Variants in CDK12 observed in about 807,000 individuals in gnomAD.
The protein encoded by CDK12 is cyclin-dependent kinase 12.
In CDK12, 17 loss-of-function variants were observed where a neutral mutation model predicts 133.8. The observed-to-expected ratio is 0.13, with a 90% CI of 0.09 to 0.19. The LOEUF is 0.19. Ranked by LOEUF, CDK12 falls within the 10% of genes least tolerant of loss-of-function variation. The probability of loss-of-function intolerance (pLI) is 1.00; values close to 1 mark genes in which losing one functional copy is unlikely to be tolerated. For synonymous variants in CDK12, 694 were observed against 683.6 expected (o/e 1.02, Z -0.24); for missense variants, 1,508 against 1,818.7 (o/e 0.83, Z 3.11).
At chr17:39,482,220 C>T (rs541325951) in intron 2 of CDK12, among the ~76,000 whole-genome samples, 1 of 151,080 alleles carries the variant, frequency 6.6e-6, no homozygotes, top group African/African-American at 2.4e-5. Context: ...CCATTTTGGC[C>T]AAGGTGGTCT....
rs574800259 is a variant in CDK12, at chr17:39,562,102, G to C, written n.485-2658G>C. Reference sequence around the variant, plus strand: ...TTACAGGCGCGCACCTCCATGCCCAGCTAATTTTTGCATTTTTAGTAGAGA... The same window carrying C: ...TTACAGGCGCGCACCTCCATGCCCACCTAATTTTTGCATTTTTAGTAGAGA... On this transcript the variant is annotated intron_variant and non_coding_transcript_variant, in intron 3 of 3. Transcript: ENST00000558240. Among the ~76,000 whole-genome samples the C allele has an allele frequency of 1.6e-4, 25 of 152,214 alleles. 1 individual carries two copies. The East Asian group carries it at 4.1e-3, about 25-fold the overall frequency.
chr17:39,472,428 CT>C (rs2049862477), intron 2 of CDK12, among the ~76,000 whole-genome samples: 1 of 151,986 alleles, frequency 6.6e-6, no homozygotes, highest in South Asian at 2.1e-4. Flanking sequence ...AATCCCAGCA[CT>C]TTGGGAGGCT....
At chr17:39,475,206 G>A (rs191744628) in intron 2 of CDK12, among the ~76,000 whole-genome samples, 2 of 152,162 alleles carry the variant, frequency 1.3e-5, no homozygotes, top group Non-Finnish European at 2.9e-5. Context: ...ACTGAGCTTT[G>A]TGGATGTAAT....
chr17:39,516,877 A>T (rs2053846033), intron 9 of CDK12, among the ~76,000 whole-genome samples: 1 of 149,896 alleles, frequency 6.7e-6, no homozygotes, highest in Admixed American at 6.6e-5. Flanking sequence ...GTTAGCCAGG[A>T]TGGTCTCGAT....
At chr17:39,502,865 A>C (rs1424695339) in intron 6 of CDK12, among the ~76,000 whole-genome samples, 10 of 152,334 alleles carry the variant, frequency 6.6e-5, no homozygotes, top group Middle Eastern at 3.4e-3. Context: ...CAGTATTTCT[A>C]GAGCAAGAAG....
Position 39,531,518 on chromosome 17 carries a change from G to A in CDK12, c.*202G>A. 2.3e-6 allele frequency: 1 copy of A among 442,944 alleles called. No individual in the cohort carries two copies. The highest frequency in any genetic ancestry group is 3.9e-5 in the Admixed American group (1 of 25,902). 27.4% of individuals were successfully genotyped at this position (442,944 alleles called of 1,614,324 possible). On this transcript the variant is annotated 3_prime_UTR_variant, in exon 14 of 14. Coordinates refer to ENST00000447079, the MANE Select transcript of CDK12 (RefSeq NM_016507.4). ...ATGTTGGCACCAGTTCCCCCTGGAT[G>A]GGCTATAGCCAGAACATTTACTTCA...
In CDK12 at chr17:39,524,830, A is replaced by G; in HGVS notation, c.3252A>G (p.Pro1084=). 6.2e-7 allele frequency: 1 copy of G among 1,614,224 alleles called. No individual in the cohort carries two copies. Among genetic ancestry groups the G allele is most frequent in the South Asian group, 1.1e-5 (1 of 91,086 alleles). ...CTGAGCCTGTGAAGAACAGCAGCCC[A>G]GCACCACCTCAGCCTGCTCCTGGCA... ...TSTEPVKNSS[P]APPQPAPGKV... Residue 1084 remains proline (P), a synonymous_variant, in exon 12 of 14, where the codon CCA becomes CCG. Transcript: ENST00000447079.
Position 39,531,718 on chromosome 17 carries a change from G to A in CDK12, c.*402G>A, listed in dbSNP as rs531848505. 181 of 242,684 alleles carry A rather than the reference G, an allele frequency of 7.5e-4. No individual in the cohort carries two copies. The highest frequency in any genetic ancestry group is 2.4e-3 in the Middle Eastern group (2 of 818). The allele number at this position is 242,684 out of a possible 1,614,324, so 15.0% of individuals were successfully genotyped here. A position where few individuals can be genotyped will look rare whatever the true frequency, so the allele number is the denominator to read the frequency against. On this transcript the variant is annotated 3_prime_UTR_variant, in exon 14 of 14. Transcript: ENST00000447079. ...TTTTAAAGTTTTGGGGTGGGGGATT[G>A]TGTGTGGTTTCTTTCTTTTGAATTT...
intron 6 of CDK12, among the ~76,000 whole-genome samples, chr17:39,501,989 C>T (rs1291518034): frequency 2.6e-5 from 4 of 151,094 alleles, no homozygotes; most frequent in Non-Finnish European, 5.9e-5. Context: ...GGATTATAGG[C>T]GCCCGGCACC....
rs539289616 is a variant in CDK12 at position 39,487,844 on chromosome 17, G to T, written c.1932-2713G>T. ...TGGCCAGGTTGGTCTTGAACTCCTG[G>T]GCTCAACTGATCCGCCTGCCTTGGC... On this transcript the variant is annotated intron_variant, in intron 2 of 13. Transcript: ENST00000447079. Among the ~76,000 whole-genome samples the T allele has an allele frequency of 6.6e-5, 10 of 151,928 alleles. No individual in the cohort carries two copies. The East Asian group carries it at 1.9e-3, about 29-fold the overall frequency.
intron 2 of CDK12, among the ~76,000 whole-genome samples, chr17:39,480,254 T>A (rs2050536801): frequency 6.7e-6 from 1 of 149,230 alleles, no homozygotes; most frequent in Non-Finnish European, 1.5e-5. Flanking sequence ...GGGAAAAGAA[T>A]GAAACTTTAC....
chr17:39,476,725 T>C (rs939069891), intron 2 of CDK12, among the ~76,000 whole-genome samples: 33 of 107,810 alleles, frequency 3.1e-4, no homozygotes, highest in African/African-American at 1.4e-3. Flanking sequence ...TTTTTTTTTT[T>C]TTTTTTTTTT....
intron 5 of CDK12, among the ~76,000 whole-genome samples, chr17:39,499,532 G>A (rs1242322261): frequency 2.2e-5 from 3 of 134,462 alleles, no homozygotes; most frequent in Non-Finnish European, 4.7e-5. Flanking sequence ...TTCTCAAGAT[G>A]GGGTTTTGCT....
intron 5 of CDK12, among the ~76,000 whole-genome samples, chr17:39,500,109 G>T (rs574202496): frequency 4.7e-4 from 71 of 152,240 alleles, no homozygotes; most frequent in African/African-American, 1.6e-3. Context: ...TGGAAGGATT[G>T]CCTGAGCCAA....
chr17:39,531,281 C>T lies in CDK12; in HGVS notation c.4438C>T (p.Pro1480Ser), dbSNP rs756702701. 8 of 1,496,864 alleles carry T rather than the reference C, an allele frequency of 5.3e-6. No individual in the cohort carries two copies. Among genetic ancestry groups the T allele is most frequent in the African/African-American group, 4.2e-5 (3 of 71,184 alleles). 92.7% of individuals were successfully genotyped at this position (1,496,864 alleles called of 1,614,324 possible). ...CTATCGGGGGCCTACAAGAGTCCCA[C>T]CAAGAGGGGGAAGAGGGAGAGGAGT... is the stretch of plus-strand genomic sequence containing the variant. ...KLYRGPTRVP[P>S]RGGRGRGVPY Residue 1480 changes from proline to serine, a missense_variant, in exon 14 of 14, where the codon CCA becomes TCA. This residue lies in a region of CDK12 where 114 missense variants were observed against 101.2 expected (regional missense o/e 1.13). Transcript: ENST00000447079.
chr17:39,485,124 C>G (rs1349762315), intron 2 of CDK12, among the ~76,000 whole-genome samples: 2 of 148,130 alleles, frequency 1.4e-5, no homozygotes, highest in African/African-American at 2.5e-5. Context: ...GAGCTGAGAT[C>G]GCGCCACTGC....
intron 13 of CDK12, among the ~76,000 whole-genome samples, chr17:39,526,541 C>T (rs1185331042): frequency 6.6e-6 from 1 of 152,110 alleles, no homozygotes; most frequent in South Asian, 2.1e-4. Flanking sequence ...TGTTTTTCCA[C>T]CTCCTAGGAG....
chr17:39,465,270 G>C (rs1232021038), intron 1 of CDK12, among the ~76,000 whole-genome samples: 1 of 102,124 alleles, frequency 9.8e-6, no homozygotes, highest in Non-Finnish European at 2.1e-5. Flanking sequence ...AAAAAAAAAA[G>C]CCATGTATTT....
In CDK12 at chr17:39,531,095, C is replaced by A. The variant is rs1194852958; in HGVS notation, c.4252C>A (p.Gln1418Lys). 1 of 1,591,838 alleles carries A rather than the reference C, an allele frequency of 6.3e-7. No homozygotes were observed. The highest frequency in any genetic ancestry group is 8.5e-7 in the Non-Finnish European group (1 of 1,170,320). ...CTTAGCGTTACACCCGGTGGTCGGG[C>A]AACCATTCCTGAAGGCTGAGGGAAG... ...VPLALHPVVG[Q>K]PFLKAEGSSN... is the part of the protein sequence containing the mutation. The change falls in exon 14 of 14, where the codon CAA (glutamine) becomes AAA (lysine). Residue 1418 changes from glutamine to lysine, a missense_variant. Coordinates refer to ENST00000447079, the MANE Select transcript of CDK12 (RefSeq NM_016507.4).
Sources: allele counts gnomAD v4.1 joint callset (sites outside exome capture counted in the v4.1 genomes callset), GRCh38; gene constraint gnomAD v4.1.1; regional missense constraint gnomAD v4.1.1; transcripts MANE v1.5; gene names NCBI Gene and HGNC (gene_info 2026-07-23, HGNC 2026-07-21).